FAM220A: variants seen among roughly 807,000 people sequenced by gnomAD.
The protein encoded by FAM220A is protein FAM220A.
For synonymous variants in FAM220A, 141 were observed against 130.7 expected (o/e 1.08, Z -0.54); for missense variants, 392 against 321.6 (o/e 1.22, Z -1.68).
intron 1 of FAM220A, among the ~76,000 whole-genome samples, chr7:6,331,683 T>A (rs1781639270): frequency 6.6e-6 from 1 of 151,062 alleles, no homozygotes; most frequent in African/African-American, 2.4e-5. Flanking sequence ...CCCGGCCTAG[T>A]GGAGAACATT....
At position 6,329,701 on chromosome 7, in the gene FAM220A, C is replaced by T. The variant is rs1781589411; in HGVS notation, c.*674G>A. On this transcript the variant is annotated 3_prime_UTR_variant, in exon 2 of 2. Coordinates refer to ENST00000313324, the MANE Select transcript of FAM220A (RefSeq NM_001037163.2). ...GAAACTTTTTATGTGGGAAATAACT[C>T]GATTTGCTTCTCTGTAACTGAGCTA... 1 of 165,792 alleles carries T rather than the reference C, an allele frequency of 6.0e-6. No homozygotes were observed. The highest frequency in any genetic ancestry group is 2.4e-5 in the African/African-American group (1 of 41,434). The allele number at this position is 165,792 out of a possible 1,614,324, so 10.3% of individuals were successfully genotyped here.
chr7:6,332,052 C>T (rs1377225079), intron 1 of FAM220A, among the ~76,000 whole-genome samples: 1 of 150,250 alleles, frequency 6.7e-6, no homozygotes, highest in Non-Finnish European at 1.5e-5. Context: ...GTGGAAGTAG[C>T]TGTGAGCCGA....
At chr7:6,333,840 CTT>C (rs904989717) in intron 1 of FAM220A, among the ~76,000 whole-genome samples, 8 of 96,824 alleles carry the variant, frequency 8.3e-5, no homozygotes, top group South Asian at 3.6e-4. Flanking sequence ...CTCCTGGCCT[CTT>C]TTTTTTTTTT....
intron 1 of FAM220A, among the ~76,000 whole-genome samples, chr7:6,345,152 C>T (rs1781931265): frequency 6.6e-6 from 1 of 150,914 alleles, no homozygotes; most frequent in Non-Finnish European, 1.5e-5. Flanking sequence ...GAGTCTCACT[C>T]TGTTGCCCAG....
At chr7:6,345,700 C>G (rs1781939207) in intron 1 of FAM220A, among the ~76,000 whole-genome samples, 1 of 152,194 alleles carries the variant, frequency 6.6e-6, no homozygotes, top group Non-Finnish European at 1.5e-5. Context: ...GAGCCAAATA[C>G]AGCCTGTAGA....
chr7:6,348,025 C>T (rs1583243355), intron 1 of FAM220A, among the ~76,000 whole-genome samples: 1 of 151,700 alleles, frequency 6.6e-6, no homozygotes, highest in East Asian at 1.9e-4. Flanking sequence ...ATTCTGCCGC[C>T]TCAGCCTCCC....
rs1200617966 is a variant in FAM220A at position 6,330,544 on chromosome 7, A to G, written c.611T>C (p.Leu204Pro). Reference sequence around the variant, plus strand: ...GAAAATGCGTTTTGTCTCCTCACTCAGGAGCACTTCGGGATACACGTGCAG... The same window carrying G: ...GAAAATGCGTTTTGTCTCCTCACTCGGGAGCACTTCGGGATACACGTGCAG... ...ATLHVYPEVLLSEETKRIFLD... is the reference protein window; with the variant it reads ...ATLHVYPEVLPSEETKRIFLD... The change falls in exon 2 of 2, where the codon CTG (leucine) becomes CCG (proline). Residue 204 changes from leucine (L) to proline (P), a missense_variant. Transcript: ENST00000313324. 2 of 1,614,078 alleles carry G rather than the reference A, an allele frequency of 1.2e-6. No individual in the cohort carries two copies. Among genetic ancestry groups the G allele is most frequent in the Non-Finnish European group, 1.7e-6 (2 of 1,180,042 alleles).
chr7:6,331,235 C>G lies in FAM220A; in HGVS notation c.-81G>C. 1.4e-6 allele frequency: 2 copies of G among 1,384,958 alleles called. No homozygotes were observed. The highest frequency in any genetic ancestry group is 2.8e-5 in the South Asian group (2 of 71,504). 85.8% of individuals were successfully genotyped at this position (1,384,958 alleles called of 1,614,324 possible). The stretch of plus-strand genomic sequence containing the variant: ...GGCCTTCAATGGATCTCAATATGAA[C>G]CTAGGAAAGGGAATCAAATTAAAGT... On this transcript the variant is annotated splice_region_variant and 5_prime_UTR_variant, in exon 2 of 2. Coordinates refer to ENST00000313324, the MANE Select transcript of FAM220A (RefSeq NM_001037163.2).
At chr7:6,335,927 C>T (rs769018379) in intron 1 of FAM220A, among the ~76,000 whole-genome samples, 26 of 151,964 alleles carry the variant, frequency 1.7e-4, no homozygotes, top group Admixed American at 3.3e-4. Context: ...AATCCCAGCA[C>T]TCTGGGAGGC....
rs200014613 is a variant in FAM220A at position 6,330,860 on chromosome 7, T to C, written c.295A>G (p.Thr99Ala). 563 of 1,614,096 alleles carry C rather than the reference T, an allele frequency of 3.5e-4. No homozygotes were observed. Among genetic ancestry groups the C allele is most frequent in the Non-Finnish European group, 4.5e-4 (533 of 1,180,022 alleles). ...AACAAACCCACGGCTGTGCTCGGAG[T>C]GGCTGCTGAGGCTGGATTTCTTCTT... Reference protein sequence around the residue: ...SVRRNPASAATPSTAVGLFPA... With the variant: ...SVRRNPASAAAPSTAVGLFPA... Residue 99 changes from threonine (T) to alanine (A), a missense_variant, in exon 2 of 2, where the codon ACT (threonine) becomes GCT (alanine). Coordinates refer to ENST00000313324, the MANE Select transcript of FAM220A (RefSeq NM_001037163.2).
Position 6,330,002 on chromosome 7 carries a change from CCATTG to C in FAM220A, c.*368_*372del. 4.2e-6 allele frequency: 1 copy of C among 240,046 alleles called. No homozygotes were observed. The highest frequency in any genetic ancestry group is 8.7e-6 in the Non-Finnish European group (1 of 115,276). The allele number at this position is 240,046 out of a possible 1,614,324, so 14.9% of individuals were successfully genotyped here. A position where few individuals can be genotyped will look rare whatever the true frequency, so the allele number is the denominator to read the frequency against. ...GTGTAGACTTTACAAGTATCCACTT[CCATTG>C]GGTGATCAGACAAGTCAAAAGGACA... On this transcript the variant is annotated 3_prime_UTR_variant, in exon 2 of 2. Transcript: ENST00000313324.
intron 1 of FAM220A, among the ~76,000 whole-genome samples, chr7:6,344,211 C>T (rs1390333563): frequency 1.3e-5 from 2 of 151,448 alleles, no homozygotes; most frequent in Non-Finnish European, 2.9e-5. Flanking sequence ...TCCTGTTGTA[C>T]CTCCCTTTAC....
intron 1 of FAM220A, among the ~76,000 whole-genome samples, chr7:6,345,140 CAG>C (rs1230022348): frequency 6.6e-6 from 1 of 151,978 alleles, no homozygotes; most frequent in African/African-American, 2.4e-5. Flanking sequence ...ATTTTAGAGA[CAG>C]AGTCTCACTC....
intron 1 of FAM220A, among the ~76,000 whole-genome samples, chr7:6,331,880 A>T (rs11981563): frequency 0.37 from 55,699 of 151,264 alleles, 13,802 homozygotes; most frequent in African/African-American, 0.7. Context: ...AGCTGGGATT[A>T]CAGGTGCCTG....
intron 1 of FAM220A, among the ~76,000 whole-genome samples, chr7:6,341,472 A>G (rs947520698): frequency 5.3e-5 from 8 of 149,762 alleles, no homozygotes; most frequent in African/African-American, 1.7e-4. Flanking sequence ...TATTATTATT[A>G]TTATGAGCAC....
chr7:6,337,391 G>C lies in FAM220A; in HGVS notation c.-81-6156C>G, dbSNP rs372662085. On this transcript the variant is annotated intron_variant, in intron 1 of 1. Transcript: ENST00000313324. ...CCCGCCTCAGCCTCCCAAAGTGTTG[G>C]GATTACAGGCGTGAGCCACTGCGCC... is the stretch of plus-strand genomic sequence containing the variant. 6.1e-3 allele frequency among the ~76,000 whole-genome samples: 925 copies of C among 150,816 alleles called. 20 individuals carry two copies. Among genetic ancestry groups the C allele is most frequent in the African/African-American group, 0.021 (841 of 40,214 alleles).
In FAM220A at chr7:6,334,062, G is replaced by A. The variant is rs568386729; in HGVS notation, c.-81-2827C>T. 2.0e-5 allele frequency among the ~76,000 whole-genome samples: 3 copies of A among 151,010 alleles called. No homozygotes were observed. The South Asian group carries it at 6.3e-4, about 32-fold the overall frequency. On this transcript the variant is annotated intron_variant, in intron 1 of 1. Transcript: ENST00000313324. ...GGGGTTTCACCATGTTAGCCAGGAT[G>A]GAATCTATCTCCTGACCTCGTGATC...
chr7:6,333,840 CTTTTTTTTTT>C (rs904989717), intron 1 of FAM220A, among the ~76,000 whole-genome samples: 1 of 96,844 alleles, frequency 1.0e-5, no homozygotes, highest in African/African-American at 3.9e-5. Context: ...CTCCTGGCCT[CTTTTTTTTTT>C]TTTTTTTTTT....
intron 1 of FAM220A, among the ~76,000 whole-genome samples, chr7:6,333,204 G>A (rs752011461): frequency 3.3e-4 from 50 of 151,872 alleles, no homozygotes; most frequent in South Asian, 8.4e-4. Flanking sequence ...AAACACTGGG[G>A]AGAAAATGAA....
Sources: gnomAD v4.1 joint callset for allele counts (sites outside exome capture counted in the v4.1 genomes callset) on GRCh38, gnomAD v4.1.1 for gene constraint, MANE v1.5 for transcripts, NCBI Gene and HGNC (gene_info 2026-07-23, HGNC 2026-07-21) for gene names.